The following ZNF365 variants were observed in gnomAD, a reference collection of about 807,000 sequenced individuals.
The protein encoded by ZNF365 is protein ZNF365.
ZNF365 carries 22 observed loss-of-function variants against 35.0 expected under a neutral mutation model. The ratio of observed to expected loss-of-function variants is 0.63; its 90% CI spans 0.45 to 0.90. ZNF365 has a LOEUF of 0.90. Among genes scored for constraint, ZNF365 ranks in the 40% least tolerant of loss-of-function variants. ZNF365 has a pLI of 0.00. For synonymous variants in ZNF365, 188 were observed against 196.2 expected, an observed-to-expected ratio of 0.96 and a Z score of 0.35; for missense variants, 448 against 500.3, an observed-to-expected ratio of 0.90 and a Z score of 1.00.
At position 62,398,794 on chromosome 10, in the gene ZNF365, A is replaced by G; in HGVS notation, c.962+17A>G. ...CAAATGCCTGTATGTATGTATTTTT[A>G]TACTTGGGCCATTTGATAATGTTTG... On this transcript the variant is annotated intron_variant, in intron 4 of 4. Transcript: ENST00000395254. 6.2e-7 allele frequency: 1 copy of G among 1,607,534 alleles called. No homozygotes were observed. The highest frequency in any genetic ancestry group is 2.2e-5 in the East Asian group (1 of 44,688).
At chr10:62,439,386 C>CAA (rs76672246) in intron 3 of ZNF365, among the ~76,000 whole-genome samples, 2 of 144,540 alleles carry the variant, frequency 1.4e-5, no homozygotes, top group Admixed American at 6.9e-5. Context: ...TCAACTCTAG[C>CAA]AAAAAAAAAA....
Position 62,376,934 on chromosome 10 carries a change from A to T in ZNF365, c.741A>T (p.Glu247Asp). Residue 247 changes from glutamate to aspartate, a missense_variant and splice_region_variant, in exon 2 of 5, where the codon GAA becomes GAT. Glu to Asp is a conservative substitution (Grantham distance 45, BLOSUM62 2). This residue lies in a region of ZNF365 where 362 missense variants were observed against 375.7 expected (regional missense o/e 0.96). Coordinates refer to ENST00000395254, the MANE Select transcript of ZNF365 (RefSeq NM_014951.3). ...CTGAGGAGGAGCTTCTTAGGAAAGA[A>T]GAGTAAGTGTTGCTGACAGGGGATG... The part of the protein sequence containing the change: ...TESEEELLRK[E>D]EEVVTFNHFL... 1 of 1,599,972 alleles carries T rather than the reference A, an allele frequency of 6.3e-7. No homozygotes were observed. The highest frequency in any genetic ancestry group is 8.5e-7 in the Non-Finnish European group (1 of 1,174,218).
In ZNF365 at chr10:62,399,584, A is replaced by T. The variant is rs532864840; in HGVS notation, c.1019A>T (p.His340Leu). 15 of 1,613,962 alleles carry T rather than the reference A, an allele frequency of 9.3e-6. No homozygotes were observed. In the South Asian group the frequency reaches 1.5e-4, roughly 17 times the overall value. The change falls in exon 5 of 5, where the codon CAC becomes CTC. Residue 340 changes from histidine to leucine, a missense_variant. By Grantham distance (99) the His-to-Leu change is moderately conservative (BLOSUM62 -3). Coordinates refer to ENST00000395254, the MANE Select transcript of ZNF365 (RefSeq NM_014951.3). ...CACCCTGATCTCAAGGCCCATTTCC[A>T]CCCAAAGGGAAGGAACCACCTGAAA... Reference protein sequence around the residue: ...CNHPDLKAHFHPKGRNHLKKA... With the variant: ...CNHPDLKAHFLPKGRNHLKKA...
chr10:62,432,201 G>T (rs951362650), intron 3 of ZNF365, among the ~76,000 whole-genome samples: 3 of 152,194 alleles, frequency 2.0e-5, no homozygotes, highest in Admixed American at 6.5e-5. Context: ...GAGGTGAGGG[G>T]TCCAGCCTTT....
chr10:62,448,225 T>A (rs746141006), intron 3 of ZNF365, among the ~76,000 whole-genome samples: 15 of 152,194 alleles, frequency 9.9e-5, no homozygotes, highest in African/African-American at 2.9e-4. Context: ...TTACATACAA[T>A]GAAATGCACA....
chr10:62,451,176 T>C (rs1212150385), intron 3 of ZNF365, among the ~76,000 whole-genome samples: 3 of 152,190 alleles, frequency 2.0e-5, no homozygotes, highest in African/African-American at 7.2e-5. Flanking sequence ...TTTGGTCACT[T>C]CTTTTGCCTG....
At chr10:62,467,698 G>A (rs902415560) in intron 4 of ZNF365, among the ~76,000 whole-genome samples, 1 of 152,164 alleles carries the variant, frequency 6.6e-6, no homozygotes, top group Non-Finnish European at 1.5e-5. Flanking sequence ...AAGAAGTGCA[G>A]AACTGTCTGA....
intron 3 of ZNF365, among the ~76,000 whole-genome samples, chr10:62,419,292 C>G (rs772697409): frequency 5.3e-5 from 8 of 152,034 alleles, no homozygotes; most frequent in Non-Finnish European, 8.8e-5. Context: ...AGTTACTTAA[C>G]TTCTCTGAGC....
intron 3 of ZNF365, among the ~76,000 whole-genome samples, chr10:62,427,090 T>C (rs956791173): frequency 2.0e-5 from 3 of 152,328 alleles, no homozygotes; most frequent in African/African-American, 7.2e-5. Context: ...CCTAACATCC[T>C]AGCGCAACAC....
At chr10:62,382,358 G>A (rs749949535) in intron 2 of ZNF365, among the ~76,000 whole-genome samples, 11 of 152,184 alleles carry the variant, frequency 7.2e-5, no homozygotes, top group African/African-American at 1.4e-4. Context: ...TTGTTGGTTC[G>A]TGCATATAAA....
At chr10:62,440,852 C>G (rs1363504060) in intron 3 of ZNF365, among the ~76,000 whole-genome samples, 1 of 152,164 alleles carries the variant, frequency 6.6e-6, no homozygotes, top group Non-Finnish European at 1.5e-5. Flanking sequence ...GTCCTTCCTA[C>G]ATATTAGATA....
chr10:62,392,407 A>T (rs892450421), intron 3 of ZNF365, among the ~76,000 whole-genome samples: 1 of 152,072 alleles, frequency 6.6e-6, no homozygotes, highest in Admixed American at 6.5e-5. Context: ...TCTTGAGTTG[A>T]TTTTAGTATA....
chr10:62,468,954 T>G (rs1235118889), intron 4 of ZNF365, among the ~76,000 whole-genome samples: 2 of 152,220 alleles, frequency 1.3e-5, no homozygotes, highest in Non-Finnish European at 2.9e-5. Flanking sequence ...GAAACACTTC[T>G]TTGAAGAATT....
In ZNF365 at chr10:62,399,882, T is replaced by C; in HGVS notation, c.*93T>C. ...ATGTCTTTCTGGAAACATTCCATAG[T>C]AAGACACATTGGAAAAGCCAAGGGC... On this transcript the variant is annotated 3_prime_UTR_variant, in exon 5 of 5. Coordinates refer to ENST00000395254, the MANE Select transcript of ZNF365 (RefSeq NM_014951.3). 6.8e-7 allele frequency: 1 copy of C among 1,464,786 alleles called. No individual in the cohort carries two copies. Among genetic ancestry groups the C allele is most frequent in the Non-Finnish European group, 9.0e-7 (1 of 1,107,386 alleles). 90.7% of individuals were successfully genotyped at this position (1,464,786 alleles called of 1,614,324 possible).
At chr10:62,476,158 T>C (rs1332195304) in intron 4 of ZNF365, among the ~76,000 whole-genome samples, 1 of 152,174 alleles carries the variant, frequency 6.6e-6, no homozygotes, top group Non-Finnish European at 1.5e-5. Context: ...CTGTGCTTTT[T>C]CCTCATGCAG....
chr10:62,387,304 T>G (rs1042816310), intron 2 of ZNF365, among the ~76,000 whole-genome samples: 12 of 152,034 alleles, frequency 7.9e-5, no homozygotes, highest in South Asian at 4.2e-4. Flanking sequence ...TATGTGTGCT[T>G]GGGTGGGTGT....
At chr10:62,399,019 G>A (rs376488222) in intron 4 of ZNF365, among the ~76,000 whole-genome samples, 2 of 152,172 alleles carry the variant, frequency 1.3e-5, no homozygotes, top group African/African-American at 4.8e-5. Context: ...AATATTTTTA[G>A]AGTATTATAT....
intron 3 of ZNF365, among the ~76,000 whole-genome samples, chr10:62,439,537 A>G (rs1019661904): frequency 3.3e-5 from 5 of 152,236 alleles, no homozygotes; most frequent in Non-Finnish European, 5.9e-5. Flanking sequence ...ATTCTTTATA[A>G]CAAAGATGGG....
chr10:62,386,992 A>T (rs1839536733), intron 2 of ZNF365, among the ~76,000 whole-genome samples: 1 of 152,240 alleles, frequency 6.6e-6, no homozygotes, highest in African/African-American at 2.4e-5. Flanking sequence ...ACATGGCAAA[A>T]ACAGTGAGAG....
Sources: allele counts gnomAD v4.1 joint callset (sites outside exome capture counted in the v4.1 genomes callset), GRCh38; gene constraint gnomAD v4.1.1; regional missense constraint gnomAD v4.1.1; transcripts MANE v1.5; gene names NCBI Gene and HGNC (gene_info 2026-07-23, HGNC 2026-07-21).